The following FRMD4B variants were observed in gnomAD, a reference collection of about 807,000 sequenced individuals.
The protein encoded by FRMD4B is FERM domain containing 4B.
FRMD4B carries 74 observed loss-of-function variants against 141.5 expected under a neutral mutation model. The observed-to-expected ratio is 0.52, with a 90% CI of 0.43 to 0.63. The LOEUF is 0.63. Among genes scored for constraint, FRMD4B ranks in the 30% least tolerant of loss-of-function variants. FRMD4B has a pLI of 0.00. For synonymous variants in FRMD4B, 506 were observed against 467.9 expected (o/e 1.08, Z -1.05); for missense variants, 1,366 against 1,253.4 (o/e 1.09, Z -1.36).
At chr3:69,475,594 T>C (rs1001104578) in intron 1 of FRMD4B, among the ~76,000 whole-genome samples, 3 of 152,190 alleles carry the variant, frequency 2.0e-5, no homozygotes, top group African/African-American at 7.2e-5. Context: ...ATTTTCTTAA[T>C]CCAGTCTATC....
chr3:69,509,195 TG>T (rs1453960677), intron 1 of FRMD4B, among the ~76,000 whole-genome samples: 1 of 152,026 alleles, frequency 6.6e-6, no homozygotes, highest in Non-Finnish European at 1.5e-5. Context: ...ATGACACAGG[TG>T]ATGGTTTCAA....
rs556661019 is a variant in FRMD4B, at chr3:69,263,056, C to G, written c.502-12957G>C. On this transcript the variant is annotated intron_variant, in intron 5 of 22. Coordinates refer to ENST00000398540, the MANE Select transcript of FRMD4B (RefSeq NM_015123.3). ...GGCAGATCACCTGAGGTCGGGAGTT[C>G]GAGACCGGCCTGACCAATATGGTGA... is the stretch of plus-strand genomic sequence containing the variant. Among the ~76,000 whole-genome samples the G allele has an allele frequency of 1.9e-4, 29 of 151,994 alleles. 2 individuals are homozygous for G. The South Asian group carries it at 5.0e-3, about 26-fold the overall frequency.
intron 1 of FRMD4B, among the ~76,000 whole-genome samples, chr3:69,534,199 T>C (rs1258744775): frequency 1.3e-5 from 2 of 150,350 alleles, no homozygotes; most frequent in Non-Finnish European, 3.0e-5. Flanking sequence ...TTTGCCATTT[T>C]CCAGTACAAT....
intron 4 of FRMD4B, among the ~76,000 whole-genome samples, chr3:69,298,547 C>T (rs1194800950): frequency 1.3e-5 from 2 of 152,226 alleles, no homozygotes; most frequent in African/African-American, 4.8e-5. Context: ...CAACCCCATG[C>T]CAACTCCTAC....
At chr3:69,309,632 A>G (rs1411614231) in intron 3 of FRMD4B, among the ~76,000 whole-genome samples, 2 of 126,142 alleles carry the variant, frequency 1.6e-5, no homozygotes, top group East Asian at 2.1e-4. Context: ...TTTTTTGTAG[A>G]TATGGGGTCT....
At chr3:69,325,125 G>GAA (rs1553724277) in intron 1 of FRMD4B, among the ~76,000 whole-genome samples, 2 of 150,012 alleles carry the variant, frequency 1.3e-5, no homozygotes, top group Non-Finnish European at 3.0e-5. Context: ...AAGAAAGAAA[G>GAA]AAAAGAAATT....
chr3:69,475,480 G>A (rs1163445613), intron 1 of FRMD4B, among the ~76,000 whole-genome samples: 2 of 151,654 alleles, frequency 1.3e-5, no homozygotes, highest in Admixed American at 6.6e-5. Context: ...TCTTACGATA[G>A]TTTACTGAGA....
At chr3:69,401,117 AT>A (rs1402599315) in intron 2 of FRMD4B, among the ~76,000 whole-genome samples, 11 of 152,382 alleles carry the variant, frequency 7.2e-5, no homozygotes, top group Admixed American at 4.6e-4. Context: ...TGCAAACATT[AT>A]GTTTACATCA....
At chr3:69,177,587 C>A (rs1021878189) in intron 21 of FRMD4B, among the ~76,000 whole-genome samples, 2 of 152,078 alleles carry the variant, frequency 1.3e-5, no homozygotes, top group Admixed American at 1.3e-4. Flanking sequence ...GAAGTCAAGG[C>A]TACAGTGAGC....
chr3:69,316,129 G>C (rs962447821), intron 1 of FRMD4B, among the ~76,000 whole-genome samples: 2 of 152,324 alleles, frequency 1.3e-5, no homozygotes, highest in African/African-American at 4.8e-5. Context: ...TTAAGAGTCT[G>C]AAAACTAGCT....
At chr3:69,526,647 A>G (rs1700934851) in intron 1 of FRMD4B, among the ~76,000 whole-genome samples, 1 of 152,158 alleles carries the variant, frequency 6.6e-6, no homozygotes, top group Non-Finnish European at 1.5e-5. Flanking sequence ...CTATTAAATG[A>G]GGCCAATTAT....
upstream of FRMD4B, among the ~76,000 whole-genome samples, chr3:69,388,367 C>G (rs1704314410): frequency 6.6e-6 from 1 of 152,140 alleles, no homozygotes; most frequent in Non-Finnish European, 1.5e-5. Context: ...AGTGTGGTCA[C>G]TGGGCCAGCA....
chr3:69,508,163 C>T (rs1394183610), intron 1 of FRMD4B, among the ~76,000 whole-genome samples: 6 of 152,152 alleles, frequency 3.9e-5, no homozygotes, highest in Non-Finnish European at 1.5e-5. Flanking sequence ...GAACATATTT[C>T]TCCCTCTTCT....
intron 18 of FRMD4B, among the ~76,000 whole-genome samples, chr3:69,189,221 T>TC (rs2092808062): frequency 3.2e-5 from 1 of 31,726 alleles, no homozygotes; most frequent in Non-Finnish European, 5.5e-5. Context: ...AAACTCCATC[T>TC]CAAAAAAAAA....
chr3:69,226,451 A>G (rs1347614131), intron 7 of FRMD4B, among the ~76,000 whole-genome samples: 2 of 150,756 alleles, frequency 1.3e-5, no homozygotes, highest in African/African-American at 4.9e-5. Flanking sequence ...CAAACCTAAA[A>G]CTGTCAGATA....
intron 1 of FRMD4B, among the ~76,000 whole-genome samples, chr3:69,332,297 T>C (rs1411675131): frequency 5.3e-5 from 8 of 152,246 alleles, no homozygotes; most frequent in South Asian, 4.1e-4. Context: ...CTGGAGTGCC[T>C]CAAATTTTTG....
intron 2 of FRMD4B, among the ~76,000 whole-genome samples, chr3:69,402,955 T>C (rs529254639): frequency 1.3e-5 from 2 of 152,232 alleles, no homozygotes; most frequent in Admixed American, 1.3e-4. Flanking sequence ...TTCTGTATTA[T>C]GGTATTAATC....
At chr3:69,359,619 T>G (rs1703418059) in intron 1 of FRMD4B, among the ~76,000 whole-genome samples, 1 of 152,146 alleles carries the variant, frequency 6.6e-6, no homozygotes, top group Non-Finnish European at 1.5e-5. Context: ...GAGGGAAAAC[T>G]TTTGTGCTCG....
At chr3:69,281,446 A>G (rs562553654) in intron 5 of FRMD4B, among the ~76,000 whole-genome samples, 1 of 152,302 alleles carries the variant, frequency 6.6e-6, no homozygotes, top group South Asian at 2.1e-4. Context: ...TTCTTGGGAA[A>G]CAAGTGTTAT....
Sources: gnomAD v4.1 joint callset for allele counts (sites outside exome capture counted in the v4.1 genomes callset) on GRCh38, gnomAD v4.1.1 for gene constraint, MANE v1.5 for transcripts, NCBI Gene and HGNC (gene_info 2026-07-23, HGNC 2026-07-21) for gene names.